STIL: variants seen among roughly 807,000 people sequenced by gnomAD.
The protein encoded by STIL is STIL centriolar assembly protein, also known as SCL-interrupting locus protein.
STIL carries 55 observed loss-of-function variants against 110.1 expected under a neutral mutation model. The ratio of observed to expected loss-of-function variants is 0.50; its 90% CI spans 0.40 to 0.63. STIL has a LOEUF of 0.63. STIL is among the 20% of genes least tolerant of loss of function. The pLI, the probability that STIL is intolerant of heterozygous loss-of-function variation, is 0.00. For synonymous variants in STIL, 481 were observed against 530.0 expected (o/e 0.91, Z 1.27); for missense variants, 1,358 against 1,530.0 (o/e 0.89, Z 1.87).
chr1:47,310,472 T>C, intron 1 of STIL, 110 bp from the exon 2 acceptor site: 1 of 640,464 alleles, frequency 1.6e-6, no homozygotes, highest in Non-Finnish European at 2.7e-6. Context: ...ATATGAAGTG[T>C]GACTATAGAT....
chr1:47,309,182 AAT>A (rs772037061), intron 2 of STIL, among the ~76,000 whole-genome samples: 5 of 152,216 alleles, frequency 3.3e-5, no homozygotes, highest in African/African-American at 1.2e-4. Flanking sequence ...GCCTTATAAA[AAT>A]ATGTCATATA....
At chr1:47,271,006 C>T (rs769783535) in intron 13 of STIL, among the ~76,000 whole-genome samples, 1 of 152,086 alleles carries the variant, frequency 6.6e-6, no homozygotes, top group Non-Finnish European at 1.5e-5. Context: ...GAAGCACTTA[C>T]ACCTATCTTC....
Position 47,302,243 on chromosome 1 carries a change from C to T in STIL, c.256G>A (p.Ala86Thr). 6.2e-7 allele frequency: 1 copy of T among 1,612,042 alleles called. No homozygotes were observed. The highest frequency in any genetic ancestry group is 8.5e-7 in the Non-Finnish European group (1 of 1,178,194). The change falls in exon 4 of 17, where the codon GCA (alanine) becomes ACA (threonine). Residue 86 changes from alanine (A) to threonine (T), a missense_variant. Physicochemically the swap from Ala to Thr is moderately conservative, Grantham distance 58. Coordinates refer to ENST00000371877, the MANE Select transcript of STIL (RefSeq NM_001048166.1). ...SSCFLLGSLTADEDEEGVTLT... is the reference protein window; with the variant it reads ...SSCFLLGSLTTDEDEEGVTLT... ...TTTAAAAGTGTATTACCTTCGTCTG[C>T]TGTCAGAGAACCAAGTAAAAAGCAT...
chr1:47,286,658 C>A (rs1158106952), intron 10 of STIL, among the ~76,000 whole-genome samples: 1 of 151,622 alleles, frequency 6.6e-6, no homozygotes, highest in African/African-American at 2.4e-5. Context: ...TACGCCACTG[C>A]ACTCCAGCCT....
chr1:47,273,126 G>C (rs1644889070), intron 12 of STIL, among the ~76,000 whole-genome samples: 1 of 152,152 alleles, frequency 6.6e-6, no homozygotes, highest in South Asian at 2.1e-4. Flanking sequence ...TAAGTTACTT[G>C]TATAGGACAT....
At chr1:47,274,246 C>G (rs1644922103) in intron 12 of STIL, among the ~76,000 whole-genome samples, 1 of 152,174 alleles carries the variant, frequency 6.6e-6, no homozygotes, top group Non-Finnish European at 1.5e-5. Context: ...TAAAATTGAT[C>G]ACTCAGTGTT....
At chr1:47,295,936 A>G (rs1055141758) in intron 6 of STIL, 88 bp from the exon 7 acceptor site, 1 of 970,988 alleles carries the variant, frequency 1.0e-6, no homozygotes, top group African/African-American at 1.6e-5. Context: ...CATACTTTAG[A>G]AAGGGGAGAT....
chr1:47,259,144 G>A (rs566528560), intron 16 of STIL, among the ~76,000 whole-genome samples: 40 of 149,888 alleles, frequency 2.7e-4, no homozygotes, highest in African/African-American at 8.1e-4. Context: ...CCACCACCAC[G>A]CTCAGCTAAT....
Position 47,282,458 on chromosome 1 carries a change from A to C in STIL, c.1135T>G (p.Ser379Ala). The C allele has an allele frequency of 6.3e-7, 1 of 1,598,004 alleles. No homozygotes were observed. Among genetic ancestry groups the C allele is most frequent in the South Asian group, 1.1e-5 (1 of 90,788 alleles). The change falls in exon 11 of 17, where the codon TCT becomes GCT. Residue 379 changes from serine to alanine, a missense_variant and splice_region_variant. Transcript: ENST00000371877. ...KASKNFSIKR[S>A]SQKLSSGKMP... is the part of the protein sequence containing the mutation. ...TTCCCAGAAGATAACTTTTGGGAAGACCTAAAGAATAGAAGGGGAGACCAG... is the reference window on the plus strand; with the variant it reads ...TTCCCAGAAGATAACTTTTGGGAAGCCCTAAAGAATAGAAGGGGAGACCAG...
chr1:47,300,231 A>G (rs1645764056), intron 5 of STIL, 79 bp from the exon 6 acceptor site: 2 of 1,284,470 alleles, frequency 1.6e-6, no homozygotes, highest in Admixed American at 4.6e-5. Context: ...ATACTGATAC[A>G]TATACATATA....
In STIL at chr1:47,287,519, AAC is replaced by A. The variant is rs1645338648; in HGVS notation, c.1133+30_1133+31del. On this transcript the variant is annotated intron_variant, in intron 10 of 16. Coordinates refer to ENST00000371877, the MANE Select transcript of STIL (RefSeq NM_001048166.1). Reference sequence around the variant, plus strand: ...AACTAATAAATATAATTTTTAAAAAAACACACACATAATAACAAAAAGATCTT... The same window carrying A: ...AACTAATAAATATAATTTTTAAAAAAACACACATAATAACAAAAAGATCTT... 5.7e-6 allele frequency: 8 copies of A among 1,400,536 alleles called. No individual in the cohort carries two copies. The South Asian group carries it at 7.6e-5, about 13-fold the overall frequency. The allele number at this position is 1,400,536 out of a possible 1,614,324, so 86.8% of individuals were successfully genotyped here. A position where few individuals can be genotyped will look rare whatever the true frequency, so the allele number is the denominator to read the frequency against.
Position 47,251,100 on chromosome 1 carries a change from C to A in STIL, c.*36G>T. Reference sequence around the variant, plus strand: ...TTCCCTAAGTATCTTCAGGAGACACCCTGTCCCTGTATTAAAAGGGCAGGG... The same window carrying A: ...TTCCCTAAGTATCTTCAGGAGACACACTGTCCCTGTATTAAAAGGGCAGGG... On this transcript the variant is annotated 3_prime_UTR_variant, in exon 17 of 17. Transcript: ENST00000371877. The A allele has an allele frequency of 6.3e-7, 1 of 1,596,860 alleles. No individual in the cohort carries two copies. The highest frequency in any genetic ancestry group is 1.1e-5 in the South Asian group (1 of 89,474).
rs1645139157 is a variant in STIL, at chr1:47,280,881, G to A, written c.1577C>T (p.Ser526Phe). ...TATATCATGAGATGGCCCATTATGAGAAGATGGTTTAATACTGTTCCTGGT... is the reference window on the plus strand; with the variant it reads ...TATATCATGAGATGGCCCATTATGAAAAGATGGTTTAATACTGTTCCTGGT... ...PHTRNSIKPS[S>F]HNGPSHDIFE... is the part of the protein sequence containing the mutation. Residue 526 changes from serine to phenylalanine, a missense_variant, in exon 12 of 17, where the codon TCT becomes TTT. Transcript: ENST00000371877. 6.2e-7 allele frequency: 1 copy of A among 1,614,206 alleles called. No homozygotes were observed. Among genetic ancestry groups the A allele is most frequent in the Non-Finnish European group, 8.5e-7 (1 of 1,180,030 alleles).
chr1:47,305,856 C>T (rs372086061), intron 2 of STIL, among the ~76,000 whole-genome samples: 3 of 151,200 alleles, frequency 2.0e-5, no homozygotes, highest in East Asian at 1.9e-4. Context: ...CTCAGCCTCC[C>T]GAGTAGCTAG....
chr1:47,269,863 G>C lies in STIL; in HGVS notation c.2387C>G (p.Ala796Gly). 1 of 1,612,722 alleles carries C rather than the reference G, an allele frequency of 6.2e-7. No individual in the cohort carries two copies. Among genetic ancestry groups the C allele is most frequent in the Non-Finnish European group, 8.5e-7 (1 of 1,178,748 alleles). The change falls in exon 14 of 17, where the codon GCT (alanine) becomes GGT (glycine). Residue 796 changes from alanine to glycine, a missense_variant. By Grantham distance (60) the Ala-to-Gly change is moderately conservative. Coordinates refer to ENST00000371877, the MANE Select transcript of STIL (RefSeq NM_001048166.1). ...KGVSIAVSTG[A>G]SLFWNAAGED... ...ACCTGCTGCATTCCAAAACAAGCTAGCACCTGGAGGTTAAATAATTTAAGA... is the reference window on the plus strand; with the variant it reads ...ACCTGCTGCATTCCAAAACAAGCTACCACCTGGAGGTTAAATAATTTAAGA...
chr1:47,293,642 T>C (rs1645558554), intron 7 of STIL, 98 bp from the exon 8 acceptor site: 1 of 961,832 alleles, frequency 1.0e-6, no homozygotes, highest in Non-Finnish European at 1.6e-6. Context: ...ATGGCTTTTA[T>C]CAGCCATACA....
In STIL at chr1:47,301,271, T is replaced by C. The variant is rs6697248; in HGVS notation, c.453+290A>G. ...CCTCTCTATAATCTGACCAAATTAA[T>C]ACTCCAGTCTGACTGCCCACAAATT... On this transcript the variant is annotated intron_variant, in intron 5 of 16. Coordinates refer to ENST00000371877, the MANE Select transcript of STIL (RefSeq NM_001048166.1). Among the ~76,000 whole-genome samples the C allele has an allele frequency of 0.22, 33,470 of 151,946 alleles. 4,351 individuals carry two copies. Among genetic ancestry groups the C allele is most frequent in the East Asian group, 0.53 (2,712 of 5,150 alleles).
chr1:47,278,359 T>G (rs1645049483), intron 12 of STIL, among the ~76,000 whole-genome samples: 1 of 152,012 alleles, frequency 6.6e-6, no homozygotes, highest in Admixed American at 6.6e-5. Flanking sequence ...TACCTAAAAA[T>G]TTAAGTTCAT....
At chr1:47,265,237 CAAAA>C (rs61666574) in intron 14 of STIL, among the ~76,000 whole-genome samples, 3 of 51,656 alleles carry the variant, frequency 5.8e-5, no homozygotes, top group African/African-American at 1.4e-4. Context: ...CTCCATCTCC[CAAAA>C]AAAAAAAAAA....
Sources: allele counts gnomAD v4.1 joint callset (sites outside exome capture counted in the v4.1 genomes callset), GRCh38; gene constraint gnomAD v4.1.1; transcripts MANE v1.5; gene names NCBI Gene and HGNC (gene_info 2026-07-23, HGNC 2026-07-21).